FGF14: variants seen among roughly 807,000 people sequenced by gnomAD.
The protein encoded by FGF14 is fibroblast growth factor homologous factor 4.
A neutral mutation model predicts 25.5 loss-of-function variants in FGF14; 5 were observed. That is an observed-to-expected ratio of 0.20 (90% CI 0.10 to 0.41). FGF14 has a LOEUF of 0.41. Ranked by LOEUF, FGF14 falls within the 10% of genes least tolerant of loss-of-function variation. The pLI, the probability that FGF14 is intolerant of heterozygous loss-of-function variation, is 1.00. For synonymous variants in FGF14, 138 were observed against 118.3 expected (o/e 1.17, Z -1.08); for missense variants, 222 against 320.1 (o/e 0.69, Z 2.34).
At chr13:102,294,591 C>T (rs1282920896) in intron 1 of FGF14, among the ~76,000 whole-genome samples, 1 of 152,178 alleles carries the variant, frequency 6.6e-6, no homozygotes, top group Non-Finnish European at 1.5e-5. Context: ...TTGGCTTGAA[C>T]TCTGTCACTT....
intron 1 of FGF14, among the ~76,000 whole-genome samples, chr13:102,249,022 G>A (rs550144848): frequency 6.6e-6 from 1 of 152,210 alleles, no homozygotes; most frequent in South Asian, 2.1e-4. Flanking sequence ...AAAGAATTGA[G>A]TTTGAGATAC....
chr13:102,230,292 C>A (rs2051020079), intron 1 of FGF14, among the ~76,000 whole-genome samples: 1 of 152,122 alleles, frequency 6.6e-6, no homozygotes, highest in African/African-American at 2.4e-5. Flanking sequence ...TGTTTATAAA[C>A]CACTGAGTTT....
intron 1 of FGF14, among the ~76,000 whole-genome samples, chr13:101,892,700 G>T (rs2029934227): frequency 6.6e-6 from 1 of 152,200 alleles, no homozygotes; most frequent in South Asian, 2.1e-4. Context: ...TGGGAAAACA[G>T]TGGGGTTCAG....
chr13:102,093,406 C>A (rs565557609), intron 1 of FGF14, among the ~76,000 whole-genome samples: 2 of 152,116 alleles, frequency 1.3e-5, no homozygotes, highest in African/African-American at 2.4e-5. Flanking sequence ...TATAACTGCA[C>A]AAAATTAACT....
intron 3 of FGF14, among the ~76,000 whole-genome samples, chr13:101,794,718 G>A (rs2040423580): frequency 6.6e-6 from 1 of 152,080 alleles, no homozygotes; most frequent in African/African-American, 2.4e-5. Flanking sequence ...TGATTACAAA[G>A]CCATCTCTAG....
intron 1 of FGF14, among the ~76,000 whole-genome samples, chr13:101,969,170 T>A (rs1326691075): frequency 6.6e-6 from 1 of 152,182 alleles, no homozygotes; most frequent in African/African-American, 2.4e-5. Flanking sequence ...TAACTACCTG[T>A]GCCAGCACTT....
chr13:101,715,691 T>G lies in FGF14; in HGVS notation c.*7140A>C. ...GAGAGGTCTGGATTCTTATTTTTTC[T>G]GGGCCATTAGAACAGATAAATGCGA... On this transcript the variant is annotated 3_prime_UTR_variant, in exon 5 of 5. Coordinates refer to ENST00000376143, the MANE Select transcript of FGF14 (RefSeq NM_004115.4). The G allele has an allele frequency of 7.1e-7, 1 of 1,405,954 alleles. No individual in the cohort carries two copies. The highest frequency in any genetic ancestry group is 1.2e-5 in the South Asian group (1 of 86,864). The allele number at this position is 1,405,954 out of a possible 1,614,324, so 87.1% of individuals were successfully genotyped here.
At chr13:102,151,652 C>T (rs918089296) in intron 1 of FGF14, among the ~76,000 whole-genome samples, 1 of 152,054 alleles carries the variant, frequency 6.6e-6, no homozygotes. Context: ...GCACCTGCCA[C>T]CATGCCCGGC....
chr13:102,039,717 C>T (rs1406601776), intron 1 of FGF14, among the ~76,000 whole-genome samples: 1 of 152,108 alleles, frequency 6.6e-6, no homozygotes, highest in African/African-American at 2.4e-5. Flanking sequence ...CATATGGTCA[C>T]ATTAATAGGC....
chr13:102,238,507 G>T (rs2051434316), intron 1 of FGF14, among the ~76,000 whole-genome samples: 1 of 152,156 alleles, frequency 6.6e-6, no homozygotes, highest in Admixed American at 6.5e-5. Flanking sequence ...ATCTCAATCA[G>T]ATGATATTTC....
intron 1 of FGF14, among the ~76,000 whole-genome samples, chr13:101,887,940 T>G (rs184988366): frequency 5.9e-5 from 9 of 152,154 alleles, no homozygotes; most frequent in Admixed American, 5.9e-4. Context: ...TTAATCCAGG[T>G]GGTTAGTGGA....
intron 1 of FGF14, among the ~76,000 whole-genome samples, chr13:101,986,743 T>C (rs761733707): frequency 6.6e-6 from 1 of 152,120 alleles, no homozygotes; most frequent in Admixed American, 6.6e-5. Flanking sequence ...GAATGTCTCA[T>C]AGACGTGTCA....
At chr13:101,729,679 T>C (rs2035679040) in intron 3 of FGF14, among the ~76,000 whole-genome samples, 1 of 152,190 alleles carries the variant, frequency 6.6e-6, no homozygotes, top group African/African-American at 2.4e-5. Flanking sequence ...CACTCAATAA[T>C]TATTCTTTAA....
intron 2 of FGF14, among the ~76,000 whole-genome samples, chr13:101,871,301 G>A (rs933861233): frequency 2.6e-5 from 4 of 152,194 alleles, no homozygotes; most frequent in African/African-American, 4.8e-5. Flanking sequence ...CTGGCCGCAC[G>A]TTAAAACTAG....
At chr13:102,123,976 G>A (rs1256795466) in intron 1 of FGF14, among the ~76,000 whole-genome samples, 1 of 152,162 alleles carries the variant, frequency 6.6e-6, no homozygotes, top group Admixed American at 6.5e-5. Flanking sequence ...AGAATTAGAT[G>A]CAGATTTACA....
intron 3 of FGF14, among the ~76,000 whole-genome samples, chr13:101,837,420 G>T (rs2042979178): frequency 6.6e-6 from 1 of 152,072 alleles, no homozygotes; most frequent in Non-Finnish European, 1.5e-5. Context: ...GAAAAGATAA[G>T]GTTTGTTGTG....
intron 1 of FGF14, among the ~76,000 whole-genome samples, chr13:102,028,161 C>T (rs2041026817): frequency 6.6e-6 from 1 of 152,044 alleles, no homozygotes; most frequent in Admixed American, 6.6e-5. Context: ...AGTTTTGATG[C>T]CTTTTCTTTC....
rs953982215 is a variant in FGF14, at chr13:101,833,635, G to T, written c.408+35090C>A. The stretch of plus-strand genomic sequence containing the variant: ...TATACATATATACAGACAGATAGGT[G>T]TGTGTATACATATGCATATGTGTGT... On this transcript the variant is annotated intron_variant, in intron 3 of 4. Coordinates refer to ENST00000376143, the MANE Select transcript of FGF14 (RefSeq NM_004115.4). Among the ~76,000 whole-genome samples, 4 of 152,016 alleles carry T rather than the reference G, an allele frequency of 2.6e-5. No individual in the cohort carries two copies. In the East Asian group the frequency reaches 7.7e-4, roughly 29 times the overall value.
intron 3 of FGF14, among the ~76,000 whole-genome samples, chr13:101,747,037 A>G (rs1191807194): frequency 6.6e-6 from 1 of 151,960 alleles, no homozygotes; most frequent in African/African-American, 2.4e-5. Context: ...CCTGGTAACT[A>G]AAGTCTCTAT....
Sources: allele counts gnomAD v4.1 joint callset (sites outside exome capture counted in the v4.1 genomes callset), GRCh38; gene constraint gnomAD v4.1.1; transcripts MANE v1.5; gene names NCBI Gene and HGNC (gene_info 2026-07-23, HGNC 2026-07-21).